The following PPP2R5E variants were observed in gnomAD, a reference collection of about 807,000 sequenced individuals.
PPP2R5E encodes the protein serine/threonine-protein phosphatase 2A 56 kDa regulatory subunit epsilon isoform.
A neutral mutation model predicts 65.3 loss-of-function variants in PPP2R5E; 4 were observed. The ratio of observed to expected loss-of-function variants is 0.06; its 90% CI spans 0.03 to 0.14. The LOEUF (loss-of-function observed/expected upper bound fraction) is 0.14, where lower values mean the gene tolerates loss of function less well. PPP2R5E is among the 10% of genes least tolerant of loss of function. The pLI is 1.00. For missense variants in PPP2R5E, 274 were observed against 556.1 expected, an observed-to-expected ratio of 0.49 and a Z score of 5.10; for synonymous variants, 183 against 187.4, an observed-to-expected ratio of 0.98 and a Z score of 0.19.
chr14:63,511,397 ATG>A (rs1892446534), intron 2 of PPP2R5E, among the ~76,000 whole-genome samples: 1 of 152,202 alleles, frequency 6.6e-6, no homozygotes, highest in South Asian at 2.1e-4. Flanking sequence ...ACCGTCATGT[ATG>A]TGAGTGAGAC....
At chr14:63,425,718 A>G (rs1241350922) in intron 3 of PPP2R5E, among the ~76,000 whole-genome samples, 1 of 152,264 alleles carries the variant, frequency 6.6e-6, no homozygotes, top group African/African-American at 2.4e-5. Flanking sequence ...TTTAATAAAT[A>G]TTCACAAAAT....
At chr14:63,477,422 T>G (rs1286629545) in intron 2 of PPP2R5E, among the ~76,000 whole-genome samples, 2 of 152,010 alleles carry the variant, frequency 1.3e-5, no homozygotes, top group African/African-American at 4.8e-5. Flanking sequence ...TTACAGAAAT[T>G]ATTTCACAAC....
At chr14:63,415,615 CATATAA>C (rs1886645273) in intron 4 of PPP2R5E, among the ~76,000 whole-genome samples, 1 of 151,988 alleles carries the variant, frequency 6.6e-6, no homozygotes, top group Admixed American at 6.6e-5. Context: ...TTTAACATAC[CATATAA>C]ATATATTTTT....
chr14:63,521,384 G>A (rs1397369598), intron 2 of PPP2R5E, among the ~76,000 whole-genome samples: 3 of 151,994 alleles, frequency 2.0e-5, no homozygotes, highest in Non-Finnish European at 4.4e-5. Flanking sequence ...ACACCAGTTA[G>A]TTGGCCGGGC....
chr14:63,445,117 C>A (rs1888410395), intron 3 of PPP2R5E, among the ~76,000 whole-genome samples: 1 of 152,200 alleles, frequency 6.6e-6, no homozygotes, highest in South Asian at 2.1e-4. Flanking sequence ...TACCCAAGTT[C>A]TTACCACTAG....
intron 5 of PPP2R5E, among the ~76,000 whole-genome samples, chr14:63,404,628 G>C (rs973167231): frequency 6.6e-6 from 1 of 152,254 alleles, no homozygotes; most frequent in African/African-American, 2.4e-5. Context: ...ACAAGCTTCT[G>C]GCAATTCTGA....
At chr14:63,489,683 C>T (rs1891191939) in intron 2 of PPP2R5E, among the ~76,000 whole-genome samples, 1 of 152,088 alleles carries the variant, frequency 6.6e-6, no homozygotes, top group African/African-American at 2.4e-5. Context: ...GCAGGAATTA[C>T]AGGCATGAGC....
chr14:63,429,236 T>G (rs758376012), intron 3 of PPP2R5E, among the ~76,000 whole-genome samples: 2 of 152,188 alleles, frequency 1.3e-5, no homozygotes, highest in African/African-American at 2.4e-5. Flanking sequence ...TAAAAGCAGA[T>G]GAACTAGCTG....
intron 4 of PPP2R5E, among the ~76,000 whole-genome samples, chr14:63,417,830 T>C (rs1441425105): frequency 1.3e-5 from 2 of 152,172 alleles, no homozygotes; most frequent in Non-Finnish European, 2.9e-5. Context: ...TTGCAATGAA[T>C]AGTACAAACG....
At chr14:63,510,297 T>C (rs1224534176) in intron 2 of PPP2R5E, among the ~76,000 whole-genome samples, 1 of 152,210 alleles carries the variant, frequency 6.6e-6, no homozygotes, top group African/African-American at 2.4e-5. Flanking sequence ...TGAATGTCAC[T>C]GGACAGTGAT....
chr14:63,421,901 C>A (rs1887046929), intron 4 of PPP2R5E, 92 bp downstream of exon 4: 1 of 945,958 alleles, frequency 1.1e-6, no homozygotes, highest in Admixed American at 2.2e-5. Context: ...AATTTGATTT[C>A]TTGGTGAATA....
intron 4 of PPP2R5E, among the ~76,000 whole-genome samples, chr14:63,419,604 GA>G (rs776184906): frequency 0.031 from 4,788 of 152,320 alleles, 144 homozygotes; most frequent in East Asian, 0.13. Flanking sequence ...GGATTCTTGA[GA>G]CCAAGTCAGG....
At chr14:63,520,954 G>A (rs1363391989) in intron 2 of PPP2R5E, among the ~76,000 whole-genome samples, 1 of 151,598 alleles carries the variant, frequency 6.6e-6, no homozygotes, top group Non-Finnish European at 1.5e-5. Context: ...CAGGAGAATG[G>A]CGTGAACCAG....
intron 2 of PPP2R5E, among the ~76,000 whole-genome samples, chr14:63,493,496 G>A (rs779852045): frequency 8.0e-5 from 12 of 149,214 alleles, no homozygotes; most frequent in Non-Finnish European, 1.6e-4. Flanking sequence ...GTGTGTGTGC[G>A]TGTGTGTGGT....
intron 5 of PPP2R5E, among the ~76,000 whole-genome samples, chr14:63,406,343 G>A (rs933294189): frequency 7.9e-5 from 12 of 151,538 alleles, no homozygotes; most frequent in African/African-American, 2.4e-4. Flanking sequence ...CCCGGGAGGC[G>A]GAGGTTGCCG....
intron 3 of PPP2R5E, among the ~76,000 whole-genome samples, chr14:63,439,612 G>A (rs940100733): frequency 6.6e-6 from 1 of 152,284 alleles, no homozygotes; most frequent in East Asian, 1.9e-4. Flanking sequence ...GACCTCAGGT[G>A]ATCCACCCTC....
At chr14:63,525,270 A>C (rs1893141742) in intron 2 of PPP2R5E, among the ~76,000 whole-genome samples, 1 of 152,162 alleles carries the variant, frequency 6.6e-6, no homozygotes, top group Non-Finnish European at 1.5e-5. Context: ...TTCCAGAAAA[A>C]TGTTTCTTTA....
At chr14:63,449,872 ATTTTTT>A (rs35931655) in intron 3 of PPP2R5E, among the ~76,000 whole-genome samples, 16 of 105,410 alleles carry the variant, frequency 1.5e-4, no homozygotes, top group Non-Finnish European at 1.9e-4. Context: ...TTCTTTTCCT[ATTTTTT>A]TTTTTTTTTT....
chr14:63,469,904 G>C (rs1890032132), intron 2 of PPP2R5E, among the ~76,000 whole-genome samples: 1 of 152,040 alleles, frequency 6.6e-6, no homozygotes, highest in South Asian at 2.1e-4. Context: ...TATTATTCTG[G>C]GTCAATGGCT....
Sources: allele counts gnomAD v4.1 joint callset (sites outside exome capture counted in the v4.1 genomes callset), GRCh38; gene constraint gnomAD v4.1.1; transcripts MANE v1.5; gene names NCBI Gene and HGNC (gene_info 2026-07-23, HGNC 2026-07-21).